The following RPLP1 variants were observed in gnomAD, a reference collection of about 807,000 sequenced individuals.
The protein encoded by RPLP1 is large ribosomal subunit protein P1.
RPLP1 carries 4 observed loss-of-function variants against 11.6 expected under a neutral mutation model. The observed-to-expected ratio is 0.34, with a 90% CI of 0.17 to 0.79. The LOEUF (loss-of-function observed/expected upper bound fraction) is 0.79. Among genes scored for constraint, RPLP1 ranks in the 30% least tolerant of loss-of-function variants. The pLI, the probability that RPLP1 is intolerant of heterozygous loss-of-function variation, is 0.55. For synonymous variants in RPLP1, 54 were observed against 52.2 expected, an observed-to-expected ratio of 1.03 and a Z score of -0.15; for missense variants, 133 against 142.8, an observed-to-expected ratio of 0.93 and a Z score of 0.35.
At position 69,452,891 on chromosome 15, in the gene RPLP1, A is replaced by T; in HGVS notation, c.-58A>T. ...AAGGCTGCGTTGGGGTGAGGCCCTCACTTCATCCGGCGACTAGCACCGCGT... is the reference window on the plus strand; with the variant it reads ...AAGGCTGCGTTGGGGTGAGGCCCTCTCTTCATCCGGCGACTAGCACCGCGT... On this transcript the variant is annotated 5_prime_UTR_variant, in exon 1 of 4. Coordinates refer to ENST00000260379, the MANE Select transcript of RPLP1 (RefSeq NM_001003.3). 6.7e-7 allele frequency: 1 copy of T among 1,486,600 alleles called. No individual in the cohort carries two copies. The highest frequency in any genetic ancestry group is 9.1e-7 in the Non-Finnish European group (1 of 1,094,610). 92.1% of individuals were successfully genotyped at this position (1,486,600 alleles called of 1,614,324 possible).
At chr15:69,453,296 G>C in intron 1 of RPLP1, 1 of 580,370 alleles carries the variant, frequency 1.7e-6, no homozygotes, top group Non-Finnish European at 3.1e-6. Flanking sequence ...CTCTTCCGCA[G>C]TGCTTGGGCA....
chr15:69,453,491 G>A, intron 1 of RPLP1, 156 bp from the exon 2 acceptor site: 2 of 754,408 alleles, frequency 2.7e-6, no homozygotes, highest in South Asian at 3.4e-5. Context: ...TGATGGGCTC[G>A]CCTCATTGCA....
chr15:69,455,088 GGGATACTTTTC>G lies in RPLP1; in HGVS notation c.148-80_148-70del, dbSNP rs1322336027. The G allele has an allele frequency of 1.5e-5, 23 of 1,497,832 alleles. No individual in the cohort carries two copies. In the East Asian group the frequency reaches 5.4e-4, roughly 35 times the overall value. The allele number at this position is 1,497,832 out of a possible 1,614,324, so 92.8% of individuals were successfully genotyped here. A position where few individuals can be genotyped will look rare whatever the true frequency, so the allele number is the denominator to read the frequency against. On this transcript the variant is annotated intron_variant, in intron 2 of 3. Transcript: ENST00000260379. ...GGTTGATCACTGTAACCTGGAATGGGGGATACTTTTCGTTTTTGGCTGCGTGAGTGCTTAAC... is the reference window on the plus strand; with the variant it reads ...GGTTGATCACTGTAACCTGGAATGGGGTTTTTGGCTGCGTGAGTGCTTAAC...
At chr15:69,454,004 C>G (rs900144435) in intron 2 of RPLP1, 5 of 464,188 alleles carry the variant, frequency 1.1e-5, no homozygotes, top group African/African-American at 1.0e-4. Context: ...GAGATAGGTA[C>G]TACGCATGTT....
chr15:69,454,883 G>A, intron 2 of RPLP1: 1 of 227,082 alleles, frequency 4.4e-6, no homozygotes, highest in Non-Finnish European at 8.4e-6. Context: ...CTGGGGTATT[G>A]GTTCCAGGAC....
intron 2 of RPLP1, 97 bp downstream of exon 2, chr15:69,453,818 A>G (rs1596037513): frequency 8.2e-7 from 1 of 1,223,644 alleles, no homozygotes; most frequent in Non-Finnish European, 1.2e-6. Flanking sequence ...ATAACGCCCC[A>G]CATGCCGCTG....
intron 1 of RPLP1, 68 bp from the exon 2 acceptor site, chr15:69,453,579 G>C: frequency 6.7e-7 from 1 of 1,494,922 alleles, no homozygotes; most frequent in African/African-American, 1.4e-5. Flanking sequence ...CTTATTGAGT[G>C]ACGTGCAGCA....
Position 69,452,837 on chromosome 15 carries a change from C to G in RPLP1, c.-112C>G. The G allele has an allele frequency of 9.9e-7, 1 of 1,006,824 alleles. No homozygotes were observed. The highest frequency in any genetic ancestry group is 1.5e-6 in the Non-Finnish European group (1 of 668,080). 62.4% of individuals were successfully genotyped at this position (1,006,824 alleles called of 1,614,324 possible). On this transcript the variant is annotated 5_prime_UTR_variant, in exon 1 of 4. Transcript: ENST00000260379. ...CGAGAGCCCCTTTCCTCAGCTGCCG[C>G]CAAGGTGCTCGGTCCTTCCGAGGAA...
chr15:69,452,941 C>T lies in RPLP1; in HGVS notation c.-8C>T, dbSNP rs1451585487. On this transcript the variant is annotated 5_prime_UTR_variant, in exon 1 of 4. Coordinates refer to ENST00000260379, the MANE Select transcript of RPLP1 (RefSeq NM_001003.3). ...TCCGGCAGCGCCAGCCCTACACTCG[C>T]CCGCGCCATGGCCTCTGTCTCCGAG... is the stretch of plus-strand genomic sequence containing the variant. The T allele has an allele frequency of 1.9e-6, 3 of 1,570,526 alleles. No individual in the cohort carries two copies. In the African/African-American group the frequency reaches 4.1e-5, roughly 21 times the overall value.
Position 69,453,040 on chromosome 15 carries a change from G to A in RPLP1, c.72+20G>A. 6.5e-7 allele frequency: 1 copy of A among 1,549,626 alleles called. No homozygotes were observed. The highest frequency in any genetic ancestry group is 8.7e-7 in the Non-Finnish European group (1 of 1,147,472). ...GTCACGGTGAGTGCGGGCGCGGGCC[G>A]GCGGCCGGGCTGCCTGTGGGCGGTG... On this transcript the variant is annotated intron_variant, in intron 1 of 3. Coordinates refer to ENST00000260379, the MANE Select transcript of RPLP1 (RefSeq NM_001003.3).
chr15:69,453,034 C>T lies in RPLP1; in HGVS notation c.72+14C>T, dbSNP rs887589257. 3.0e-5 allele frequency: 46 copies of T among 1,552,986 alleles called. No homozygotes were observed. Among genetic ancestry groups the T allele is most frequent in the African/African-American group, 4.1e-5 (3 of 73,058 alleles). ...GTGACAGTCACGGTGAGTGCGGGCGCGGGCCGGCGGCCGGGCTGCCTGTGG... is the reference window on the plus strand; with the variant it reads ...GTGACAGTCACGGTGAGTGCGGGCGTGGGCCGGCGGCCGGGCTGCCTGTGG... On this transcript the variant is annotated intron_variant, in intron 1 of 3. Coordinates refer to ENST00000260379, the MANE Select transcript of RPLP1 (RefSeq NM_001003.3).
chr15:69,455,557 T>A lies in RPLP1; in HGVS notation c.*50T>A. ...AAAAGCTGAACTTTACTGCTGTTGG[T>A]CTTGTCCATAGTTTTGGAATGTGCT... On this transcript the variant is annotated 3_prime_UTR_variant, in exon 4 of 4. Transcript: ENST00000260379. The A allele has an allele frequency of 7.2e-7, 1 of 1,387,830 alleles. No individual in the cohort carries two copies. The highest frequency in any genetic ancestry group is 1.0e-6 in the Non-Finnish European group (1 of 1,004,672). The allele number at this position is 1,387,830 out of a possible 1,614,324, so 86.0% of individuals were successfully genotyped here. A position where few individuals can be genotyped will look rare whatever the true frequency, so the allele number is the denominator to read the frequency against.
At chr15:69,453,196 C>T (rs1384261363) in intron 1 of RPLP1, 176 bp downstream of exon 1, 2 of 636,060 alleles carry the variant, frequency 3.1e-6, no homozygotes, top group Non-Finnish European at 5.4e-6. Flanking sequence ...CGGGCAGGTC[C>T]TGGGCCCCCG....
chr15:69,453,043 G>A, intron 1 of RPLP1, 23 bp downstream of exon 1: 1 of 1,548,616 alleles, frequency 6.5e-7, no homozygotes, highest in Non-Finnish European at 8.7e-7. Context: ...GCGGGCCGGC[G>A]GCCGGGCTGC....
Position 69,453,037 on chromosome 15 carries a change from G to A in RPLP1, c.72+17G>A, listed in dbSNP as rs1221247481. The A allele has an allele frequency of 1.3e-6, 2 of 1,551,136 alleles. No individual in the cohort carries two copies. The highest frequency in any genetic ancestry group is 8.7e-7 in the Non-Finnish European group (1 of 1,148,652). ...ACAGTCACGGTGAGTGCGGGCGCGG[G>A]CCGGCGGCCGGGCTGCCTGTGGGCG... On this transcript the variant is annotated intron_variant, in intron 1 of 3. Transcript: ENST00000260379.
intron 1 of RPLP1, chr15:69,453,258 C>A: frequency 1.7e-6 from 1 of 584,264 alleles, no homozygotes; most frequent in South Asian, 2.0e-5. Context: ...CTGGGCGCTC[C>A]GGCTCCAAGA....
intron 1 of RPLP1, 33 bp downstream of exon 1, chr15:69,453,053 C>T: frequency 1.3e-6 from 2 of 1,539,448 alleles, no homozygotes; most frequent in Non-Finnish European, 1.8e-6. Flanking sequence ...GGCCGGGCTG[C>T]CTGTGGGCGG....
In RPLP1 at chr15:69,452,882, G is replaced by A; in HGVS notation, c.-67G>A. 1 of 1,423,042 alleles carries A rather than the reference G, an allele frequency of 7.0e-7. No individual in the cohort carries two copies. Among genetic ancestry groups the A allele is most frequent in the East Asian group, 2.5e-5 (1 of 40,356 alleles). 88.2% of individuals were successfully genotyped at this position (1,423,042 alleles called of 1,614,324 possible). ...GAGGAAGCTAAGGCTGCGTTGGGGTGAGGCCCTCACTTCATCCGGCGACTA... is the reference window on the plus strand; with the variant it reads ...GAGGAAGCTAAGGCTGCGTTGGGGTAAGGCCCTCACTTCATCCGGCGACTA... On this transcript the variant is annotated 5_prime_UTR_variant, in exon 1 of 4. Coordinates refer to ENST00000260379, the MANE Select transcript of RPLP1 (RefSeq NM_001003.3).
chr15:69,454,428 T>TG (rs1401485108), intron 2 of RPLP1: 6 of 152,284 alleles, frequency 3.9e-5, no homozygotes. Flanking sequence ...TACTGTGTGT[T>TG]GGGATATAAA....
Sources: gnomAD v4.1 joint callset for allele counts on GRCh38, gnomAD v4.1.1 for gene constraint, MANE v1.5 for transcripts, NCBI Gene and HGNC (gene_info 2026-07-23, HGNC 2026-07-21) for gene names.